DSCAM: variants seen among roughly 807,000 people sequenced by gnomAD.
DSCAM encodes the protein DS cell adhesion molecule.
Under a neutral mutation model 217.7 loss-of-function variants are expected in DSCAM, and 47 were observed. The ratio of observed to expected loss-of-function variants is 0.22; its 90% CI spans 0.17 to 0.28. The LOEUF is 0.28. Ranked by LOEUF, DSCAM falls within the 10% of genes least tolerant of loss-of-function variation. The pLI, the probability that DSCAM is intolerant of heterozygous loss-of-function variation, is 1.00. For missense variants in DSCAM, 2,080 were observed against 2,618.3 expected (o/e 0.79, Z 4.49); for synonymous variants, 1,056 against 1,015.3 (o/e 1.04, Z -0.76).
chr21:40,517,404 A>AACACACACACACACAC lies in DSCAM; in HGVS notation c.509-148175_509-148160dup, dbSNP rs3070750. 1.1e-3 allele frequency among the ~76,000 whole-genome samples: 158 copies of AACACACACACACACAC among 144,774 alleles called. 2 individuals are homozygous for AACACACACACACACAC. The highest frequency in any genetic ancestry group is 3.4e-3 in the African/African-American group (130 of 38,706). The allele number at this position is 144,774 out of a possible 152,430, so 95.0% of individuals were successfully genotyped here. On this transcript the variant is annotated intron_variant, in intron 3 of 32. Transcript: ENST00000400454. ...CACACATCTATACACACACACAAGCAACACACACACACACACACACACACA... is the reference window on the plus strand; with the variant it reads ...CACACATCTATACACACACACAAGCAACACACACACACACACACACACACACACACACACACACACA...
chr21:40,788,568 T>C (rs1222493411), intron 1 of DSCAM, among the ~76,000 whole-genome samples: 1 of 152,170 alleles, frequency 6.6e-6, no homozygotes, highest in Non-Finnish European at 1.5e-5. Flanking sequence ...CTCATTCTTA[T>C]CTCCAACTTC....
At chr21:40,188,255 TC>T (rs948613696) in intron 12 of DSCAM, among the ~76,000 whole-genome samples, 5 of 152,240 alleles carry the variant, frequency 3.3e-5, no homozygotes, top group African/African-American at 4.8e-5. Context: ...ATTATCCATG[TC>T]AGGTGTAGCT....
chr21:40,051,877 T>A, intron 30 of DSCAM, 81 bp downstream of exon 30: 1 of 1,513,854 alleles, frequency 6.6e-7, no homozygotes, highest in Non-Finnish European at 8.9e-7. Flanking sequence ...AGCCACACAT[T>A]TTCATTTGAG....
intron 1 of DSCAM, among the ~76,000 whole-genome samples, chr21:40,802,833 A>G (rs1431419765): frequency 6.6e-6 from 1 of 152,216 alleles, no homozygotes; most frequent in Admixed American, 6.5e-5. Flanking sequence ...AGTAAGAACC[A>G]TATTCCTTTT....
At chr21:40,481,082 G>A (rs2075978126) in intron 3 of DSCAM, among the ~76,000 whole-genome samples, 1 of 152,138 alleles carries the variant, frequency 6.6e-6, no homozygotes, top group Admixed American at 6.5e-5. Context: ...CTCCAAAACT[G>A]TAAGTCAAAT....
intron 11 of DSCAM, among the ~76,000 whole-genome samples, chr21:40,199,175 C>G (rs2091045293): frequency 6.6e-6 from 1 of 152,172 alleles, no homozygotes; most frequent in Non-Finnish European, 1.5e-5. Flanking sequence ...AATCCACTTG[C>G]AATCAACATC....
intron 20 of DSCAM, among the ~76,000 whole-genome samples, chr21:40,119,778 C>T (rs899628718): frequency 2.6e-5 from 4 of 151,366 alleles, no homozygotes; most frequent in East Asian, 1.9e-4. Flanking sequence ...GAGGGAGGAA[C>T]GACGTTTTAA....
At chr21:40,242,153 T>C (rs905612442) in intron 11 of DSCAM, among the ~76,000 whole-genome samples, 1 of 152,050 alleles carries the variant, frequency 6.6e-6, no homozygotes, top group Non-Finnish European at 1.5e-5. Context: ...CTAAAAGTTT[T>C]TTTTTTTTTT....
Position 40,598,096 on chromosome 21 carries a change from G to C in DSCAM, c.508+94714C>G, listed in dbSNP as rs1292739419. On this transcript the variant is annotated intron_variant, in intron 3 of 32. Transcript: ENST00000400454. ...CTCACAAATCCCTGGGGTTTGTCCT[G>C]TTCATCTTTCCCCACCTGCCACCTT... 2.0e-5 allele frequency among the ~76,000 whole-genome samples: 3 copies of C among 152,166 alleles called. No individual in the cohort carries two copies. In the East Asian group the frequency reaches 5.8e-4, roughly 29 times the overall value.
chr21:40,537,267 G>A (rs888348591), intron 3 of DSCAM, among the ~76,000 whole-genome samples: 1 of 152,162 alleles, frequency 6.6e-6, no homozygotes, highest in African/African-American at 2.4e-5. Flanking sequence ...TATTCAATAT[G>A]TGGTGAGGAA....
chr21:40,624,272 C>CA (rs763400769), intron 3 of DSCAM, among the ~76,000 whole-genome samples: 2 of 152,162 alleles, frequency 1.3e-5, no homozygotes, highest in African/African-American at 2.4e-5. Flanking sequence ...AACTGACTCT[C>CA]AATTACCTTC....
intron 1 of DSCAM, among the ~76,000 whole-genome samples, chr21:40,777,451 A>C (rs1436070135): frequency 6.6e-6 from 1 of 152,206 alleles, no homozygotes; most frequent in Non-Finnish European, 1.5e-5. Context: ...ATCAACAGCC[A>C]TCAGATATTC....
intron 3 of DSCAM, among the ~76,000 whole-genome samples, chr21:40,515,119 AAAG>A (rs2076289725): frequency 6.6e-6 from 1 of 152,232 alleles, no homozygotes; most frequent in African/African-American, 2.4e-5. Context: ...TCTGAAAACT[AAAG>A]AAGTATACAT....
chr21:40,620,202 A>G (rs541491985), intron 3 of DSCAM, among the ~76,000 whole-genome samples: 48 of 120,210 alleles, frequency 4.0e-4, no homozygotes, highest in African/African-American at 1.5e-3. Flanking sequence ...AAAGAAAGAA[A>G]GAGAGAAAGA....
chr21:40,435,731 T>G (rs550805961), intron 3 of DSCAM, among the ~76,000 whole-genome samples: 1 of 152,368 alleles, frequency 6.6e-6, no homozygotes, highest in African/African-American at 2.4e-5. Context: ...CTATTCAGTT[T>G]CACTGATCTC....
chr21:40,330,599 T>C (rs536833737), intron 8 of DSCAM, among the ~76,000 whole-genome samples: 3 of 152,000 alleles, frequency 2.0e-5, no homozygotes, highest in Non-Finnish European at 4.4e-5. Flanking sequence ...AGGACAAACC[T>C]GTCTGAAGGA....
At chr21:40,663,724 A>G (rs1363000327) in intron 3 of DSCAM, among the ~76,000 whole-genome samples, 1 of 152,146 alleles carries the variant, frequency 6.6e-6, no homozygotes, top group East Asian at 1.9e-4. Flanking sequence ...TATGCCAAGG[A>G]GCCAATCTAA....
At chr21:40,694,325 A>G (rs944031754) in intron 2 of DSCAM, among the ~76,000 whole-genome samples, 5 of 152,198 alleles carry the variant, frequency 3.3e-5, no homozygotes, top group African/African-American at 1.2e-4. Flanking sequence ...CACCTCACTT[A>G]AAGAATTAAT....
intron 16 of DSCAM, among the ~76,000 whole-genome samples, chr21:40,152,745 C>A (rs1025131107): frequency 3.3e-5 from 5 of 152,282 alleles, no homozygotes; most frequent in East Asian, 1.9e-4. Context: ...GATGCATCAT[C>A]CTTTAAAGGG....
Sources: gnomAD v4.1 joint callset for allele counts (sites outside exome capture counted in the v4.1 genomes callset) on GRCh38, gnomAD v4.1.1 for gene constraint, MANE v1.5 for transcripts, NCBI Gene and HGNC (gene_info 2026-07-23, HGNC 2026-07-21) for gene names.